Variants in NFATC3 observed in about 807,000 individuals in gnomAD.
NFATC3 encodes the protein nuclear factor of activated T-cells, cytoplasmic 3.
In NFATC3, 46 loss-of-function variants were observed where a neutral mutation model predicts 98.6. The observed-to-expected ratio is 0.47, with a 90% CI of 0.37 to 0.60. The LOEUF (loss-of-function observed/expected upper bound fraction) is 0.60. Among genes scored for constraint, NFATC3 ranks in the 20% least tolerant of loss-of-function variants. The pLI, the probability that NFATC3 is intolerant of heterozygous loss-of-function variation, is 0.00. For missense variants in NFATC3, 1,256 were observed against 1,295.5 expected (o/e 0.97, Z 0.47); for synonymous variants, 512 against 472.2 (o/e 1.08, Z -1.09).
At chr16:68,143,927 A>C (rs952811435) in intron 3 of NFATC3, among the ~76,000 whole-genome samples, 2 of 152,200 alleles carry the variant, frequency 1.3e-5, no homozygotes, top group Admixed American at 6.5e-5. Flanking sequence ...AATCTTTAAG[A>C]TCTCAGGCTA....
intron 9 of NFATC3, chr16:68,192,311 A>C (rs1189232611): frequency 1.4e-5 from 2 of 138,600 alleles, no homozygotes; most frequent in African/African-American, 5.4e-5. Context: ...ATATATATAT[A>C]TGTATGTGTA....
intron 4 of NFATC3, among the ~76,000 whole-genome samples, 180 bp downstream of exon 4, chr16:68,158,248 G>T (rs925515234): frequency 1.3e-5 from 2 of 152,038 alleles, no homozygotes; most frequent in African/African-American, 4.8e-5. Context: ...ATTCAATTCA[G>T]TAAGTGTTTT....
rs372337608 is a variant in NFATC3, at chr16:68,226,939, G to GAA, written c.*474_*475dup. ...AAAAAAAAAAGAAAAAAAAAGAAAAGAAAAAAAGAAAAAGAAAAAAATATC... is the reference window on the plus strand; with the variant it reads ...AAAAAAAAAAGAAAAAAAAAGAAAAGAAAAAAAAAGAAAAAGAAAAAAATATC... On this transcript the variant is annotated 3_prime_UTR_variant, in exon 10 of 10. Transcript: ENST00000346183. 1.2e-5 allele frequency: 1 copy of GAA among 80,096 alleles called. No homozygotes were observed. The highest frequency in any genetic ancestry group is 4.5e-5 in the African/African-American group (1 of 22,376). 5.0% of individuals were successfully genotyped at this position (80,096 alleles called of 1,614,324 possible).
chr16:68,222,336 GAA>G (rs530820589), intron 9 of NFATC3, among the ~76,000 whole-genome samples: 1 of 82,032 alleles, frequency 1.2e-5, no homozygotes, highest in South Asian at 4.0e-4. Context: ...ATAGAAAAAA[GAA>G]AAAAAAGAGA....
chr16:68,113,796 G>C (rs2036113474), intron 1 of NFATC3, among the ~76,000 whole-genome samples: 1 of 152,354 alleles, frequency 6.6e-6, no homozygotes, highest in South Asian at 2.1e-4. Context: ...CTGCAAGGAG[G>C]TTCTGCCTGG....
intron 4 of NFATC3, among the ~76,000 whole-genome samples, chr16:68,163,525 G>A (rs1161165285): frequency 2.7e-5 from 4 of 150,596 alleles, no homozygotes; most frequent in Admixed American, 6.6e-5. Context: ...CGGACGGGGC[G>A]GCTGGCCTGG....
chr16:68,098,593 C>T (rs1305349423), intron 1 of NFATC3, among the ~76,000 whole-genome samples: 6 of 152,112 alleles, frequency 3.9e-5, no homozygotes, highest in Non-Finnish European at 1.5e-5. Flanking sequence ...AACCACTGTG[C>T]CCAGCACATT....
At chr16:68,129,758 G>A (rs750918754) in intron 3 of NFATC3, among the ~76,000 whole-genome samples, 4 of 148,248 alleles carry the variant, frequency 2.7e-5, no homozygotes, top group Non-Finnish European at 5.9e-5. Context: ...CCTAACTGCA[G>A]TCTCAAACTC....
intron 9 of NFATC3, among the ~76,000 whole-genome samples, chr16:68,206,356 A>G (rs949394317): frequency 1.3e-5 from 2 of 152,208 alleles, no homozygotes; most frequent in Non-Finnish European, 2.9e-5. Context: ...GAAGTTTTTC[A>G]TCACCCAAAC....
intron 4 of NFATC3, among the ~76,000 whole-genome samples, chr16:68,159,179 G>A (rs889050230): frequency 7.9e-5 from 12 of 152,108 alleles, no homozygotes; most frequent in African/African-American, 1.7e-4. Flanking sequence ...GCAGTTAGTC[G>A]AGATAGTGCC....
At chr16:68,160,710 T>G (rs922836769) in intron 4 of NFATC3, among the ~76,000 whole-genome samples, 1 of 151,626 alleles carries the variant, frequency 6.6e-6, no homozygotes, top group African/African-American at 2.4e-5. Context: ...TTTTTTAGAC[T>G]GTCTAAATTT....
chr16:68,185,212 G>T (rs1290504571), intron 8 of NFATC3, among the ~76,000 whole-genome samples: 3 of 152,100 alleles, frequency 2.0e-5, no homozygotes, highest in African/African-American at 7.2e-5. Context: ...CCTGACCTCA[G>T]GCAATCCGCT....
chr16:68,220,791 C>CG (rs1415851383), intron 9 of NFATC3, among the ~76,000 whole-genome samples: 1 of 148,560 alleles, frequency 6.7e-6, no homozygotes, highest in East Asian at 2.0e-4. Flanking sequence ...TTGTGGCGGG[C>CG]GCCTATAGTC....
intron 9 of NFATC3, among the ~76,000 whole-genome samples, chr16:68,203,648 C>T (rs1218007220): frequency 6.6e-6 from 1 of 151,958 alleles, no homozygotes; most frequent in East Asian, 1.9e-4. Flanking sequence ...AAATAAAATG[C>T]AATTAAAAAT....
intron 8 of NFATC3, 61 bp from the exon 9 acceptor site, chr16:68,190,707 G>A: frequency 6.7e-7 from 1 of 1,500,886 alleles, no homozygotes; most frequent in Non-Finnish European, 8.9e-7. Context: ...TAGCATGAAG[G>A]CCTGTCATGA....
intron 4 of NFATC3, among the ~76,000 whole-genome samples, chr16:68,164,263 G>T (rs902096017): frequency 6.6e-6 from 1 of 152,244 alleles, no homozygotes; most frequent in Non-Finnish European, 1.5e-5. Context: ...CCAGTCAGGT[G>T]TGGCGGCGTG....
Position 68,226,576 on chromosome 16 carries a change from G to A in NFATC3, c.*105G>A. Reference sequence around the variant, plus strand: ...AGCCTTCAGGTCTGGGGCCAGGAGTGGGACCCACCATTTGTGGGGAAAGTA... The same window carrying A: ...AGCCTTCAGGTCTGGGGCCAGGAGTAGGACCCACCATTTGTGGGGAAAGTA... On this transcript the variant is annotated 3_prime_UTR_variant, in exon 10 of 10. Coordinates refer to ENST00000346183, the MANE Select transcript of NFATC3 (RefSeq NM_173165.3). The A allele has an allele frequency of 1.5e-6, 2 of 1,298,286 alleles. No homozygotes were observed. The highest frequency in any genetic ancestry group is 2.9e-4 in the Middle Eastern group (1 of 3,460). The allele number at this position is 1,298,286 out of a possible 1,614,324, so 80.4% of individuals were successfully genotyped here.
At chr16:68,104,653 G>GTTTTTTTTTTTTTTTTTTTTTTTTTTTT (rs778016298) in intron 1 of NFATC3, among the ~76,000 whole-genome samples, 9 of 126,680 alleles carry the variant, frequency 7.1e-5, no homozygotes, top group African/African-American at 1.3e-4. Flanking sequence ...TTCACAAATG[G>GTTTTTTTTTTTTTTTTTTTTTTTTTTTT]TTTTTTTTTT....
intron 9 of NFATC3, chr16:68,200,277 G>T (rs985909056): frequency 6.6e-6 from 1 of 151,912 alleles, no homozygotes; most frequent in Non-Finnish European, 1.5e-5. Flanking sequence ...GGTTAAGACT[G>T]TCACTTTCCC....
Sources: gnomAD v4.1 joint callset for allele counts (sites outside exome capture counted in the v4.1 genomes callset) on GRCh38, gnomAD v4.1.1 for gene constraint, MANE v1.5 for transcripts, NCBI Gene and HGNC (gene_info 2026-07-23, HGNC 2026-07-21) for gene names.